Variants in SYT14 observed in about 807,000 individuals in gnomAD.
SYT14 encodes the protein synaptotagmin-14.
Under a neutral mutation model 74.2 loss-of-function variants are expected in SYT14, and 32 were observed. The observed-to-expected ratio is 0.43, with a 90% confidence interval of 0.33 to 0.58. The LOEUF (loss-of-function observed/expected upper bound fraction) is 0.58. Among genes scored for constraint, SYT14 ranks in the 20% least tolerant of loss-of-function variants. The pLI is 0.05. For missense variants in SYT14, 791 were observed against 981.8 expected (o/e 0.81, Z 2.60); for synonymous variants, 298 against 337.7 (o/e 0.88, Z 1.29).
intron 7 of SYT14, among the ~76,000 whole-genome samples, chr1:210,110,043 C>A (rs1273107288): frequency 6.6e-6 from 1 of 152,108 alleles, no homozygotes; most frequent in East Asian, 1.9e-4. Context: ...CACATGTTCT[C>A]ACTCATAAGT....
At chr1:209,964,426 A>G (rs1182930926) in intron 2 of SYT14, among the ~76,000 whole-genome samples, 5 of 152,004 alleles carry the variant, frequency 3.3e-5, no homozygotes, top group African/African-American at 4.8e-5. Flanking sequence ...CTTTCTATTC[A>G]TCTATATGTG....
intron 2 of SYT14, among the ~76,000 whole-genome samples, chr1:210,002,263 A>C (rs1022011245): frequency 3.2e-4 from 49 of 151,938 alleles, no homozygotes; most frequent in African/African-American, 1.0e-3. Context: ...GCCCCCGTGC[A>C]CTCTTCCTGA....
chr1:210,113,813 TAACTA>T (rs1164122317), intron 7 of SYT14, among the ~76,000 whole-genome samples: 1 of 151,122 alleles, frequency 6.6e-6, no homozygotes, highest in African/African-American at 2.5e-5. Flanking sequence ...CAGGTGGGGA[TAACTA>T]AAAAGGAGCG....
intron 8 of SYT14, among the ~76,000 whole-genome samples, chr1:210,157,873 A>T (rs1169905217): frequency 1.3e-5 from 2 of 152,154 alleles, no homozygotes; most frequent in Non-Finnish European, 2.9e-5. Context: ...GGAAGTAAAA[A>T]GTTACTATAA....
intron 5 of SYT14, among the ~76,000 whole-genome samples, chr1:210,033,784 C>T (rs1558143288): frequency 6.6e-6 from 1 of 151,680 alleles, no homozygotes; most frequent in Non-Finnish European, 1.5e-5. Context: ...AAGTGAAAAA[C>T]GTATCATGGG....
rs115502491 is a variant in SYT14 at position 210,062,392 on chromosome 1, T to A, written c.1313-31930T>A. On this transcript the variant is annotated intron_variant, in intron 5 of 9. Transcript: ENST00000637265. ...AAAAGATAGTGTCTGATAAGTATAC[T>A]GGGTCAATGATTTTTTTTCTAATTT... Among the ~76,000 whole-genome samples, 958 of 149,974 alleles carry A rather than the reference T, an allele frequency of 6.4e-3. 5 individuals are homozygous for A. Among genetic ancestry groups the A allele is most frequent in the Non-Finnish European group, 0.01 (696 of 66,770 alleles).
chr1:210,086,663 A>G (rs2081739557), intron 5 of SYT14, among the ~76,000 whole-genome samples: 1 of 152,206 alleles, frequency 6.6e-6, no homozygotes, highest in African/African-American at 2.4e-5. Context: ...CCAGGCGCTC[A>G]GTGGACTCAC....
At chr1:210,049,216 G>A (rs184256702) in intron 5 of SYT14, among the ~76,000 whole-genome samples, 56 of 152,228 alleles carry the variant, frequency 3.7e-4, no homozygotes, top group African/African-American at 9.1e-4. Context: ...GCTCCACTAG[G>A]CAGTGCCCCA....
At chr1:210,170,292 G>C (rs928282886) in exon 10 of SYT14, 1 of 152,046 alleles carries the variant, frequency 6.6e-6, no homozygotes, top group South Asian at 2.1e-4. Flanking sequence ...ATAAACATGC[G>C]TGTGTGAAGC....
rs140823703 is a variant in SYT14, at chr1:210,058,351, T to C, written c.1313-35971T>C. On this transcript the variant is annotated intron_variant, in intron 5 of 9. Transcript: ENST00000637265. ...TTGGAGTTTTGAAGTTGGGAGGTAC[T>C]GTGGTTACAGCTCTTCTGCCTCATC... Among the ~76,000 whole-genome samples, 1,133 of 152,354 alleles carry C rather than the reference T, an allele frequency of 7.4e-3. 17 individuals carry two copies. Among genetic ancestry groups the C allele is most frequent in the South Asian group, 0.013 (64 of 4,828 alleles).
chr1:210,161,035 A>G, exon 10 of SYT14: 2 of 1,613,690 alleles, frequency 1.2e-6, no homozygotes, highest in African/African-American at 2.7e-5. Context: ...GCGTTGCTAG[A>G]GTCATGATGA....
In SYT14 at chr1:209,951,619, C is replaced by T. The variant is rs147588120; in HGVS notation, c.-533-1090C>T. Among the ~76,000 whole-genome samples, 1,127 of 152,210 alleles carry T rather than the reference C, an allele frequency of 7.4e-3. 7 individuals are homozygous for T. Among genetic ancestry groups the T allele is most frequent in the African/African-American group, 0.026 (1,059 of 41,514 alleles). ...TCGGAATACATTTAGAAGAAAGGCA[C>T]GCACAGCACACATGTGGGAAACAGA... On this transcript the variant is annotated intron_variant, in intron 1 of 9. Coordinates refer to ENST00000637265, the Ensembl canonical transcript of SYT14.
chr1:210,099,623 G>A (rs954194601), intron 6 of SYT14, among the ~76,000 whole-genome samples: 4 of 152,208 alleles, frequency 2.6e-5, no homozygotes, highest in East Asian at 1.9e-4. Context: ...TTTCTCTGCA[G>A]CCTGATACTG....
In SYT14 at chr1:210,098,677, G is replaced by A. The variant is rs186729114; in HGVS notation, c.1585-1335G>A. Among the ~76,000 whole-genome samples, 62 of 150,924 alleles carry A rather than the reference G, an allele frequency of 4.1e-4. 2 individuals are homozygous for A. In the East Asian group the frequency reaches 0.012, roughly 28 times the overall value. On this transcript the variant is annotated intron_variant, in intron 6 of 9. Transcript: ENST00000637265. The stretch of plus-strand genomic sequence containing the variant: ...TAGAGGCGCTGAAGTATAGTCTCTT[G>A]TGGACAGTGTTTTTTTTTTTTTACA...
chr1:210,163,548 T>C (rs904007221), exon 10 of SYT14: 2 of 453,490 alleles, frequency 4.4e-6, no homozygotes, highest in African/African-American at 2.0e-5. Flanking sequence ...TTCAGATAAC[T>C]GAATAGAAAA....
intron 7 of SYT14, among the ~76,000 whole-genome samples, chr1:210,128,939 C>T (rs1189434916): frequency 6.6e-6 from 1 of 152,064 alleles, no homozygotes; most frequent in Non-Finnish European, 1.5e-5. Context: ...TTTTGTGTTT[C>T]ATCAGATTTT....
chr1:209,999,715 G>A (rs1335692723), intron 2 of SYT14, among the ~76,000 whole-genome samples: 1 of 152,158 alleles, frequency 6.6e-6, no homozygotes, highest in African/African-American at 2.4e-5. Context: ...TCTCATAGAG[G>A]TAGAGAGTAG....
chr1:210,159,597 T>G, intron 9 of SYT14, 120 bp downstream of exon 8: 1 of 819,222 alleles, frequency 1.2e-6, no homozygotes, highest in Non-Finnish European at 2.1e-6. Flanking sequence ...ACATTTATTA[T>G]CTGTGGTACT....
chr1:210,083,652 C>T (rs2081661285), intron 5 of SYT14, among the ~76,000 whole-genome samples: 2 of 151,990 alleles, frequency 1.3e-5, no homozygotes. Flanking sequence ...TCACTGCTAC[C>T]TTGACCTCCT....
Sources: allele counts gnomAD v4.1 joint callset (sites outside exome capture counted in the v4.1 genomes callset), GRCh38; gene constraint gnomAD v4.1.1; transcripts MANE v1.5; gene names NCBI Gene and HGNC (gene_info 2026-07-23, HGNC 2026-07-21).